Variants in ULK4 observed in about 807,000 individuals in gnomAD.
ULK4 encodes the protein inactive serine/threonine-protein kinase ULK4.
In ULK4, 133 loss-of-function variants were observed where a neutral mutation model predicts 160.6. That is an observed-to-expected ratio of 0.83 (90% CI 0.72 to 0.96). ULK4 has a LOEUF of 0.96. ULK4 is among the 40% of genes least tolerant of loss of function. ULK4 has a pLI of 0.00. For missense variants in ULK4, 1,580 were observed against 1,499.5 expected (o/e 1.05, Z -0.89); for synonymous variants, 534 against 539.8 (o/e 0.99, Z 0.15).
rs1180985668 is a variant in ULK4, at chr3:41,692,489, T to C, written c.2782-10685A>G. Among the ~76,000 whole-genome samples, 3 of 151,636 alleles carry C rather than the reference T, an allele frequency of 2.0e-5. No homozygotes were observed. In the East Asian group the frequency reaches 5.8e-4, roughly 29 times the overall value. ...CCCTTCCAGAATCTTCCACAGAATTTATACATATACGTTATATATTTATAT... is the reference window on the plus strand; with the variant it reads ...CCCTTCCAGAATCTTCCACAGAATTCATACATATACGTTATATATTTATAT... On this transcript the variant is annotated intron_variant, in intron 27 of 36. Transcript: ENST00000301831.
At chr3:41,749,477 C>T (rs1039604101) in intron 22 of ULK4, among the ~76,000 whole-genome samples, 2 of 152,106 alleles carry the variant, frequency 1.3e-5, no homozygotes, top group Admixed American at 1.3e-4. Context: ...AGCGAGACTC[C>T]ATTTCAAAAA....
chr3:41,836,679 T>G (rs2041767003), intron 17 of ULK4, among the ~76,000 whole-genome samples: 1 of 152,136 alleles, frequency 6.6e-6, no homozygotes. Context: ...GTTTAAAAAG[T>G]TCTTATATTG....
intron 3 of ULK4, chr3:41,937,178 T>C (rs551360881): frequency 9.6e-5 from 44 of 458,944 alleles, no homozygotes; most frequent in Middle Eastern, 8.8e-4. Flanking sequence ...TTTGTTTTGG[T>C]GGGTGACGTG....
At chr3:41,592,744 G>C (rs866950671) in intron 31 of ULK4, among the ~76,000 whole-genome samples, 1 of 152,168 alleles carries the variant, frequency 6.6e-6, no homozygotes, top group Non-Finnish European at 1.5e-5. Flanking sequence ...CACTTATGAA[G>C]AGTAGTTAAA....
rs999851435 is a variant in ULK4, at chr3:41,737,939, G to A, written c.2321+16422C>T. Among the ~76,000 whole-genome samples the A allele has an allele frequency of 3.8e-4, 58 of 151,966 alleles. 1 individual carries two copies. Among genetic ancestry groups the A allele is most frequent in the African/African-American group, 1.4e-3 (56 of 41,284 alleles). On this transcript the variant is annotated intron_variant, in intron 22 of 36. Transcript: ENST00000301831. ...TAGCAACTAGCAGAATCCATACTTT[G>A]GCTATCTGATCTGTGGAGGTAGGCT...
At chr3:41,603,065 C>A (rs1575473708) in intron 31 of ULK4, among the ~76,000 whole-genome samples, 2 of 151,486 alleles carry the variant, frequency 1.3e-5, no homozygotes, top group Admixed American at 1.3e-4. Context: ...AATAAATGAC[C>A]CAACTACATG....
At chr3:41,953,032 A>G (rs1300212709) in intron 2 of ULK4, among the ~76,000 whole-genome samples, 1 of 152,002 alleles carries the variant, frequency 6.6e-6, no homozygotes, top group Non-Finnish European at 1.5e-5. Flanking sequence ...AGTTGCCAAA[A>G]GCTGGAGAAG....
At chr3:41,469,468 C>T (rs1307034628) in intron 32 of ULK4, among the ~76,000 whole-genome samples, 1 of 151,742 alleles carries the variant, frequency 6.6e-6, no homozygotes, top group African/African-American at 2.4e-5. Context: ...CAGCCAGCTG[C>T]CTCATCAAAA....
At chr3:41,261,367 G>C (rs908891128) in intron 35 of ULK4, among the ~76,000 whole-genome samples, 2 of 152,074 alleles carry the variant, frequency 1.3e-5, no homozygotes, top group African/African-American at 4.8e-5. Context: ...AAGGCTAGGA[G>C]GGCTCATGTG....
intron 4 of ULK4, 80 bp from the exon 5 acceptor site, chr3:41,932,086 AAAG>A: frequency 7.8e-7 from 1 of 1,289,414 alleles, no homozygotes; most frequent in Non-Finnish European, 1.0e-6. Context: ...TAATTGTACT[AAAG>A]AACTTTTCAG....
At chr3:41,881,284 TAAAAAAAAAAAA>T (rs58977381) in intron 17 of ULK4, among the ~76,000 whole-genome samples, 77 of 126,258 alleles carry the variant, frequency 6.1e-4, no homozygotes, top group African/African-American at 2.5e-3. Flanking sequence ...CAGAAACTTC[TAAAAAAAAAAAA>T]AAAAAAAAAA....
At chr3:41,393,485 A>T (rs969948983) in intron 35 of ULK4, among the ~76,000 whole-genome samples, 2 of 152,152 alleles carry the variant, frequency 1.3e-5, no homozygotes, top group African/African-American at 4.8e-5. Context: ...TAGAATACCA[A>T]CACATTCTTC....
At chr3:41,907,111 A>G (rs763316968) in intron 12 of ULK4, among the ~76,000 whole-genome samples, 2 of 152,176 alleles carry the variant, frequency 1.3e-5, no homozygotes, top group Non-Finnish European at 2.9e-5. Context: ...TAATAAAGAC[A>G]AAAAAGACAA....
chr3:41,803,264 T>C (rs1037119562), intron 19 of ULK4, among the ~76,000 whole-genome samples: 4 of 149,980 alleles, frequency 2.7e-5, no homozygotes, highest in African/African-American at 1.0e-4. Flanking sequence ...TGGACATTTA[T>C]ACAACACTCC....
intron 35 of ULK4, among the ~76,000 whole-genome samples, chr3:41,296,258 A>G (rs537141033): frequency 6.6e-6 from 1 of 152,284 alleles, no homozygotes. Context: ...TTTTTCTGTG[A>G]ACATAAAACT....
intron 34 of ULK4, among the ~76,000 whole-genome samples, chr3:41,450,648 C>A (rs149480513): frequency 1.3e-5 from 2 of 152,160 alleles, no homozygotes; most frequent in Non-Finnish European, 2.9e-5. Context: ...TTTTTCCCTA[C>A]GGGAAAGCAA....
chr3:41,692,614 G>A (rs996087164), intron 27 of ULK4, among the ~76,000 whole-genome samples: 26 of 150,598 alleles, frequency 1.7e-4, no homozygotes, highest in African/African-American at 6.1e-4. Context: ...CTGTACCAGT[G>A]ATCTCTATTA....
chr3:41,630,933 AG>A (rs1460840780), intron 30 of ULK4, among the ~76,000 whole-genome samples: 1 of 152,206 alleles, frequency 6.6e-6, no homozygotes. Flanking sequence ...CTACAAGCAA[AG>A]CTTTTTTGTT....
intron 6 of ULK4, 52 bp from the exon 7 acceptor site, chr3:41,918,592 A>G: frequency 1.6e-6 from 1 of 637,416 alleles, no homozygotes; most frequent in Non-Finnish European, 2.4e-6. Context: ...ATCACCAATA[A>G]TTCTTTTTTT....
Sources: gnomAD v4.1 joint callset for allele counts (sites outside exome capture counted in the v4.1 genomes callset) on GRCh38, gnomAD v4.1.1 for gene constraint, MANE v1.5 for transcripts, NCBI Gene and HGNC (gene_info 2026-07-23, HGNC 2026-07-21) for gene names.